ZSCAN5A: variants seen among roughly 807,000 people sequenced by gnomAD.
ZSCAN5A encodes the protein zinc finger and SCAN domain containing 5A.
In ZSCAN5A, 12 loss-of-function variants were observed where a neutral mutation model predicts 23.7. The ratio of observed to expected loss-of-function variants is 0.51; its 90% CI spans 0.32 to 0.82. The LOEUF (loss-of-function observed/expected upper bound fraction) is 0.82. Ranked by LOEUF, ZSCAN5A falls within the 40% of genes least tolerant of loss-of-function variation. The probability of loss-of-function intolerance (pLI) is 0.03; values close to 1 mark genes in which losing one functional copy is unlikely to be tolerated. For missense variants in ZSCAN5A, 597 were observed against 617.9 expected (o/e 0.97, Z 0.36); for synonymous variants, 257 against 239.9 (o/e 1.07, Z -0.66).
intron 2 of ZSCAN5A, chr19:56,340,900 ATCT>A (rs1321470231): frequency 2.3e-5 from 2 of 88,450 alleles, no homozygotes; most frequent in African/African-American, 8.1e-5. Flanking sequence ...AAGTGAAAAG[ATCT>A]TCTTGTGAAC....
In ZSCAN5A at chr19:56,224,949, A is replaced by T; in HGVS notation, c.98T>A (p.Leu33His). 1 of 1,614,154 alleles carries T rather than the reference A, an allele frequency of 6.2e-7. No homozygotes were observed. The highest frequency in any genetic ancestry group is 8.5e-7 in the Non-Finnish European group (1 of 1,180,044). ...PRSMASSETQ[L>H]GNHDVDPEIS... Reference sequence around the variant, plus strand: ...CTCAGGGTCCACGTCGTGATTTCCAAGTTGAGTTTCTGAGGATGCCATAGA... The same window carrying T: ...CTCAGGGTCCACGTCGTGATTTCCATGTTGAGTTTCTGAGGATGCCATAGA... Residue 33 changes from leucine (L) to histidine (H), a missense_variant, in exon 3 of 6, where the codon CTT becomes CAT. Transcript: ENST00000683990.
At chr19:56,241,882 T>C (rs960774348) in intron 2 of ZSCAN5A, among the ~76,000 whole-genome samples, 1 of 152,162 alleles carries the variant, frequency 6.6e-6, no homozygotes, top group Non-Finnish European at 1.5e-5. Context: ...CCTGTGCAGA[T>C]TTGTTACATG....
chr19:56,355,295 C>T (rs1254957640), intron 2 of ZSCAN5A, among the ~76,000 whole-genome samples: 1 of 148,782 alleles, frequency 6.7e-6, no homozygotes, highest in Admixed American at 6.6e-5. Flanking sequence ...TTGTATAAAA[C>T]TGCCTCCAAA....
chr19:56,283,595 C>G (rs1364027000), intron 2 of ZSCAN5A: 1 of 152,134 alleles, frequency 6.6e-6, no homozygotes, highest in Non-Finnish European at 1.5e-5. Context: ...CTAGCAAACC[C>G]AGTGGGATTC....
chr19:56,315,094 C>T (rs1255220735), upstream of ZSCAN5A: 1 of 152,200 alleles, frequency 6.6e-6, no homozygotes, highest in Non-Finnish European at 1.5e-5. Flanking sequence ...CGCTCTGAAC[C>T]TTTAGGACTA....
intron 2 of ZSCAN5A, among the ~76,000 whole-genome samples, chr19:56,261,079 G>T (rs1424509403): frequency 1.3e-5 from 2 of 151,958 alleles, no homozygotes; most frequent in Non-Finnish European, 2.9e-5. Context: ...GTGGTGGCAG[G>T]CACCTGTAAT....
chr19:56,313,490 A>G (rs890085991), intron 1 of ZSCAN5A, 106 bp from the exon 2 acceptor site: 1 of 154,656 alleles, frequency 6.5e-6, no homozygotes, highest in African/African-American at 2.4e-5. Flanking sequence ...GGTCCCTCCC[A>G]CATGTGGGAA....
intron 2 of ZSCAN5A, among the ~76,000 whole-genome samples, chr19:56,233,200 T>A (rs577454564): frequency 6.6e-6 from 1 of 152,168 alleles, no homozygotes; most frequent in East Asian, 1.9e-4. Flanking sequence ...ATGGGTCAAG[T>A]TTTTACATTT....
intron 2 of ZSCAN5A, chr19:56,321,616 A>G (rs1467286951): frequency 2.4e-6 from 2 of 830,016 alleles, no homozygotes; most frequent in Non-Finnish European, 4.3e-6. Context: ...CAGTCAGCAC[A>G]ATGGCAAGGT....
rs151142939 is a variant in ZSCAN5A at position 56,259,051 on chromosome 19, C to G, written c.-127-33878G>C. Among the ~76,000 whole-genome samples the G allele has an allele frequency of 8.3e-3, 1,257 of 152,114 alleles. 4 individuals are homozygous for G. Among genetic ancestry groups the G allele is most frequent in the Non-Finnish European group, 0.014 (960 of 67,982 alleles). ...CAGCTCTAGTCAGCACAGAAGAGAC[C>G]CTGAGCCTAACCACCCAGCTGAGCC... On this transcript the variant is annotated intron_variant, in intron 2 of 5. Transcript: ENST00000683990.
intron 2 of ZSCAN5A, among the ~76,000 whole-genome samples, chr19:56,244,655 A>T (rs1336917725): frequency 6.9e-6 from 1 of 144,188 alleles, no homozygotes; most frequent in Non-Finnish European, 1.5e-5. Context: ...ACAACCCACC[A>T]TGACAAATAA....
intron 2 of ZSCAN5A, chr19:56,302,780 C>A: frequency 2.5e-6 from 1 of 398,044 alleles, no homozygotes; most frequent in Non-Finnish European, 4.4e-6. Context: ...CCCAGGGGCT[C>A]CTTTGAAATA....
intron 1 of ZSCAN5A, among the ~76,000 whole-genome samples, chr19:56,364,206 G>A (rs1381528805): frequency 6.6e-6 from 1 of 152,198 alleles, no homozygotes; most frequent in East Asian, 1.9e-4. Flanking sequence ...AGGAGACAGA[G>A]AACCTGAAGG....
At chr19:56,290,701 T>G (rs1012798701) in intron 2 of ZSCAN5A, among the ~76,000 whole-genome samples, 3 of 152,144 alleles carry the variant, frequency 2.0e-5, no homozygotes, top group African/African-American at 7.2e-5. Flanking sequence ...CTCTATGAAA[T>G]ATAAATACAT....
intron 2 of ZSCAN5A, among the ~76,000 whole-genome samples, chr19:56,235,189 C>T (rs2034802619): frequency 1.9e-5 from 1 of 53,424 alleles, no homozygotes; most frequent in Admixed American, 2.2e-4. Flanking sequence ...GTCTCCACTC[C>T]AGCCTCTGAT....
At position 56,236,709 on chromosome 19, in the gene ZSCAN5A, G is replaced by A. The variant is rs1227600184; in HGVS notation, c.-127-11536C>T. On this transcript the variant is annotated intron_variant, in intron 2 of 5. Coordinates refer to ENST00000683990, the MANE Select transcript of ZSCAN5A (RefSeq NM_001322064.3). Reference sequence around the variant, plus strand: ...GCCTCCATTCCAGCCTCTGATGGACGGTGGGCCACGCCTCCACTCCAACCT... The same window carrying A: ...GCCTCCATTCCAGCCTCTGATGGACAGTGGGCCACGCCTCCACTCCAACCT... 9.5e-5 allele frequency among the ~76,000 whole-genome samples: 12 copies of A among 126,482 alleles called. 1 individual carries two copies. Among genetic ancestry groups the A allele is most frequent in the East Asian group, 4.9e-4 (2 of 4,096 alleles). The allele number at this position is 126,482 out of a possible 152,430, so 83.0% of individuals were successfully genotyped here. A position where few individuals can be genotyped will look rare whatever the true frequency, so the allele number is the denominator to read the frequency against.
chr19:56,353,830 T>C (rs988963218), intron 2 of ZSCAN5A, among the ~76,000 whole-genome samples: 3 of 151,996 alleles, frequency 2.0e-5, no homozygotes, highest in Admixed American at 2.0e-4. Context: ...AATAAAATGA[T>C]ATTGAGCAGT....
At chr19:56,341,494 T>C (rs1319655713) in intron 2 of ZSCAN5A, among the ~76,000 whole-genome samples, 1 of 152,038 alleles carries the variant, frequency 6.6e-6, no homozygotes, top group Non-Finnish European at 1.5e-5. Context: ...TACAATATAT[T>C]CAATATAAGC....
chr19:56,258,464 TG>T (rs1175354910), intron 2 of ZSCAN5A, among the ~76,000 whole-genome samples: 124 of 133,552 alleles, frequency 9.3e-4, no homozygotes, highest in African/African-American at 3.8e-3. Context: ...CCTTCCAGTG[TG>T]GGGGGTGACA....
Sources: gnomAD v4.1 joint callset for allele counts (sites outside exome capture counted in the v4.1 genomes callset) on GRCh38, gnomAD v4.1.1 for gene constraint, MANE v1.5 for transcripts, NCBI Gene and HGNC (gene_info 2026-07-23, HGNC 2026-07-21) for gene names.